BBS9: variants seen among roughly 807,000 people sequenced by gnomAD.
BBS9 encodes protein PTHB1.
In BBS9, 89 loss-of-function variants were observed where a neutral mutation model predicts 117.7. The observed-to-expected ratio is 0.76, with a 90% CI of 0.64 to 0.90. BBS9 has a LOEUF of 0.90. Ranked by LOEUF, BBS9 falls within the 40% of genes least tolerant of loss-of-function variation. The probability of loss-of-function intolerance (pLI) is 0.00; values close to 1 mark genes in which losing one functional copy is unlikely to be tolerated. For missense variants in BBS9, 982 were observed against 1,042.2 expected (o/e 0.94, Z 0.80); for synonymous variants, 379 against 370.9 (o/e 1.02, Z -0.25).
chr7:33,479,680 A>G (rs530445558), intron 19 of BBS9, among the ~76,000 whole-genome samples: 96 of 152,342 alleles, frequency 6.3e-4, no homozygotes, highest in South Asian at 5.4e-3. Context: ...AGAAATCTCC[A>G]AACTGCTCTC....
At chr7:33,315,980 A>G (rs1323834152) in intron 9 of BBS9, among the ~76,000 whole-genome samples, 2 of 152,168 alleles carry the variant, frequency 1.3e-5, no homozygotes, top group Non-Finnish European at 2.9e-5. Flanking sequence ...TAAAATTTAC[A>G]TACATTGAAA....
chr7:33,195,681 TA>T (rs2128201437), intron 5 of BBS9, among the ~76,000 whole-genome samples: 1 of 152,296 alleles, frequency 6.6e-6, no homozygotes, highest in South Asian at 2.1e-4. Context: ...AAAAATTACT[TA>T]AATTCTCTAA....
At chr7:33,312,784 A>G (rs1310701476) in intron 9 of BBS9, among the ~76,000 whole-genome samples, 1 of 152,148 alleles carries the variant, frequency 6.6e-6, no homozygotes, top group East Asian at 1.9e-4. Flanking sequence ...CTCTTAATTT[A>G]TCTGCTTAAT....
intron 16 of BBS9, among the ~76,000 whole-genome samples, chr7:33,361,833 A>C (rs974977421): frequency 1.2e-4 from 18 of 152,142 alleles, no homozygotes; most frequent in African/African-American, 4.3e-4. Context: ...ACATTTTTAT[A>C]CACTTTTGTT....
chr7:33,339,796 G>T (rs1816135012), intron 10 of BBS9, among the ~76,000 whole-genome samples: 1 of 151,970 alleles, frequency 6.6e-6, no homozygotes, highest in Non-Finnish European at 1.5e-5. Flanking sequence ...CATGTTCATG[G>T]CTAAAACAAC....
At chr7:33,213,327 C>T (rs1301615607) in intron 5 of BBS9, among the ~76,000 whole-genome samples, 8 of 152,172 alleles carry the variant, frequency 5.3e-5, no homozygotes, top group Non-Finnish European at 1.0e-4. Context: ...TCCAAGGTCT[C>T]TTCAGACAGC....
At chr7:33,135,202 T>G (rs1401870005) in intron 1 of BBS9, among the ~76,000 whole-genome samples, 1 of 152,222 alleles carries the variant, frequency 6.6e-6, no homozygotes, top group Non-Finnish European at 1.5e-5. Flanking sequence ...CTTATTTATT[T>G]TTTATTGCTC....
chr7:33,152,627 A>G, intron 2 of BBS9, 74 bp from the exon 3 acceptor site: 2 of 1,392,792 alleles, frequency 1.4e-6, no homozygotes, highest in East Asian at 2.3e-5. Flanking sequence ...TTTACACATT[A>G]GAAAGCTTAT....
chr7:33,471,823 A>G (rs1841079118), intron 19 of BBS9, among the ~76,000 whole-genome samples: 1 of 152,156 alleles, frequency 6.6e-6, no homozygotes. Context: ...TTAAAGTGGA[A>G]TTTTCAAAAC....
intron 5 of BBS9, among the ~76,000 whole-genome samples, chr7:33,195,066 T>C (rs1332072342): frequency 6.6e-6 from 1 of 152,172 alleles, no homozygotes; most frequent in Non-Finnish European, 1.5e-5. Flanking sequence ...GTAACTGTTA[T>C]TTAATTGCCT....
intron 21 of BBS9, among the ~76,000 whole-genome samples, chr7:33,589,735 G>T (rs1861545628): frequency 6.6e-6 from 1 of 152,010 alleles, no homozygotes; most frequent in Admixed American, 6.6e-5. Context: ...TTGAGATGCT[G>T]TTAGAGATCT....
intron 5 of BBS9, among the ~76,000 whole-genome samples, chr7:33,241,920 C>T (rs888136919): frequency 6.6e-6 from 1 of 151,964 alleles, no homozygotes; most frequent in Non-Finnish European, 1.5e-5. Flanking sequence ...TCATCTCATT[C>T]TCTATTATTT....
At chr7:33,255,914 T>G (rs988422616) in intron 5 of BBS9, among the ~76,000 whole-genome samples, 1 of 152,014 alleles carries the variant, frequency 6.6e-6, no homozygotes, top group African/African-American at 2.4e-5. Context: ...TCCCAGCACT[T>G]TGGAAGGCCA....
intron 9 of BBS9, among the ~76,000 whole-genome samples, chr7:33,305,818 T>A (rs1410992509): frequency 6.6e-6 from 1 of 152,102 alleles, no homozygotes; most frequent in African/African-American, 2.4e-5. Flanking sequence ...TGGCTGAGGG[T>A]TTGCCAATTT....
At chr7:33,527,351 C>T (rs1344674216) in intron 20 of BBS9, among the ~76,000 whole-genome samples, 11 of 152,160 alleles carry the variant, frequency 7.2e-5, no homozygotes, top group South Asian at 2.1e-4. Flanking sequence ...CCCAGCCTCG[C>T]TGCCGCCTTG....
intron 9 of BBS9, among the ~76,000 whole-genome samples, chr7:33,296,253 C>T (rs1039219459): frequency 1.3e-5 from 2 of 152,064 alleles, no homozygotes; most frequent in African/African-American, 2.4e-5. Flanking sequence ...CTGAACATAT[C>T]TTGGAATCAG....
intron 9 of BBS9, among the ~76,000 whole-genome samples, chr7:33,321,360 T>C (rs967053901): frequency 9.2e-5 from 14 of 152,156 alleles, no homozygotes; most frequent in Non-Finnish European, 1.9e-4. Context: ...TTCTAATTCA[T>C]GAACATGGAA....
In BBS9 at chr7:33,188,905, G is replaced by T. The variant is rs181959125; in HGVS notation, c.442+11314G>T. 7.3e-3 allele frequency among the ~76,000 whole-genome samples: 1,115 copies of T among 152,216 alleles called. 6 individuals carry two copies. Among genetic ancestry groups the T allele is most frequent in the Non-Finnish European group, 0.012 (789 of 68,012 alleles). On this transcript the variant is annotated intron_variant, in intron 5 of 22. Transcript: ENST00000242067. Reference sequence around the variant, plus strand: ...GCCAGAGGGGAACATGTTTTATAAGGGGGGGAGAAGTCTTTGAGAACACAT... The same window carrying T: ...GCCAGAGGGGAACATGTTTTATAAGTGGGGGAGAAGTCTTTGAGAACACAT...
At chr7:33,129,312 C>T, upstream of BBS9, 1 of 549,252 alleles carries the variant, frequency 1.8e-6, no homozygotes, top group Non-Finnish European at 3.2e-6. Flanking sequence ...CCCCGGAGCC[C>T]AGGCAGGAGG....
Sources: gnomAD v4.1 joint callset for allele counts (sites outside exome capture counted in the v4.1 genomes callset) on GRCh38, gnomAD v4.1.1 for gene constraint, MANE v1.5 for transcripts, NCBI Gene and HGNC (gene_info 2026-07-23, HGNC 2026-07-21) for gene names.